LETM1: variants seen among roughly 807,000 people sequenced by gnomAD.
LETM1 encodes the protein mitochondrial proton/calcium exchanger protein.
In LETM1, 50 loss-of-function variants were observed where a neutral mutation model predicts 74.5. The ratio of observed to expected loss-of-function variants is 0.67; its 90% confidence interval spans 0.53 to 0.85. The LOEUF is 0.85. Among genes scored for constraint, LETM1 ranks in the 40% least tolerant of loss-of-function variants. LETM1 has a pLI of 0.00. For missense variants in LETM1, 824 were observed against 967.8 expected, an observed-to-expected ratio of 0.85 and a Z score of 1.97; for synonymous variants, 446 against 407.1, an observed-to-expected ratio of 1.10 and a Z score of -1.15.
chr4:1,828,168 C>T (rs1712078714), intron 6 of LETM1, among the ~76,000 whole-genome samples: 3 of 108,810 alleles, frequency 2.8e-5, no homozygotes, highest in Admixed American at 8.5e-5. Flanking sequence ...CCAGTAGGGG[C>T]GGCCGGGCAG....
chr4:1,823,019 T>TCA lies in LETM1; in HGVS notation c.1443_1444dup (p.Glu482ValfsTer21). On this transcript the variant is annotated frameshift_variant, in exon 9 of 14. Coordinates refer to ENST00000302787, the MANE Select transcript of LETM1 (RefSeq NM_012318.3). LOFTEE classifies it high-confidence loss of function. ...CTCCGAGCGCTTCTGCAGCTCCTTC[T>TCA]CACGGTGCTCCTGCTGGATGGCCGC... The TCA allele has an allele frequency of 6.2e-7, 1 of 1,607,200 alleles. No homozygotes were observed. Among genetic ancestry groups the TCA allele is most frequent in the Non-Finnish European group, 8.5e-7 (1 of 1,176,184 alleles).
intron 4 of LETM1, among the ~76,000 whole-genome samples, chr4:1,835,652 C>A (rs551115224): frequency 3.2e-4 from 48 of 152,286 alleles, no homozygotes; most frequent in African/African-American, 1.1e-3. Flanking sequence ...CAGGTCCCCA[C>A]AGGGCTCTGC....
In LETM1 at chr4:1,816,908, G is replaced by T. The variant is rs762018003; in HGVS notation, c.1750C>A (p.Gln584Lys). Reference sequence around the variant, plus strand: ...TTTGAAAGTTCCTTCTTGATCTCCTGCAAGTCCTAATAAAATTATTTTGGT... The same window carrying T: ...TTTGAAAGTTCCTTCTTGATCTCCTTCAAGTCCTAATAAAATTATTTTGGT... ...EDVQDYSEDLQEIKKELSKTG... is the reference protein window; with the variant it reads ...EDVQDYSEDLKEIKKELSKTG... Residue 584 changes from glutamine (Q) to lysine (K), a missense_variant, in exon 12 of 14, where the codon CAG becomes AAG. Physicochemically the swap from Gln to Lys is moderately conservative, Grantham distance 53. Transcript: ENST00000302787. 2 of 1,609,374 alleles carry T rather than the reference G, an allele frequency of 1.2e-6. No individual in the cohort carries two copies. The highest frequency in any genetic ancestry group is 1.7e-6 in the Non-Finnish European group (2 of 1,177,146).
intron 13 of LETM1, 44 bp downstream of exon 13, chr4:1,815,620 A>G: frequency 6.2e-7 from 1 of 1,608,936 alleles, no homozygotes; most frequent in Non-Finnish European, 8.5e-7. Flanking sequence ...ACCCCACTCC[A>G]GAGCAGGTGG....
chr4:1,854,770 G>A (rs1268067357), intron 1 of LETM1, among the ~76,000 whole-genome samples: 1 of 152,056 alleles, frequency 6.6e-6, no homozygotes, highest in African/African-American at 2.4e-5. Flanking sequence ...TCTAGCCTGA[G>A]CAACAGATTG....
rs369185544 is a variant in LETM1 at position 1,834,896 on chromosome 4, G to C, written c.825C>G (p.Asn275Lys). The C allele has an allele frequency of 5.0e-6, 8 of 1,614,234 alleles. No homozygotes were observed. Among genetic ancestry groups the C allele is most frequent in the Admixed American group, 1.7e-5 (1 of 60,028 alleles). The change falls in exon 5 of 14, where the codon AAC becomes AAG. Residue 275 changes from asparagine to lysine, a missense_variant. Transcript: ENST00000302787. The surrounding 1 kb of genome is among the most constrained non-coding windows in gnomAD (Gnocchi z 5.0). ...TGGTGGCGCTGCCCTTGGCTGCCTT[G>C]TTCTTCAAGGCCATCTCCTCGATGG... ...QDTIEEMALK[N>K]KAAKGSATKD...
intron 6 of LETM1, among the ~76,000 whole-genome samples, chr4:1,831,520 A>G (rs1476405689): frequency 6.6e-6 from 1 of 152,248 alleles, no homozygotes; most frequent in Non-Finnish European, 1.5e-5. Flanking sequence ...TGGGCCCCCA[A>G]GGCCACCCCA....
chr4:1,828,511 C>A lies in LETM1; in HGVS notation c.1081-2828G>T, dbSNP rs866500178. ...GGCTGGCCGGGCAGGGGGGCTGACC[C>A]CCCCCCCCACCTCCCTCCCGGACGG... is the stretch of plus-strand genomic sequence containing the variant. On this transcript the variant is annotated intron_variant, in intron 6 of 13. Transcript: ENST00000302787. Among the ~76,000 whole-genome samples, 5 of 114,002 alleles carry A rather than the reference C, an allele frequency of 4.4e-5. No homozygotes were observed. In the South Asian group the frequency reaches 8.1e-4, roughly 18 times the overall value. 74.8% of individuals were successfully genotyped at this position (114,002 alleles called of 152,430 possible).
intron 1 of LETM1, among the ~76,000 whole-genome samples, chr4:1,849,795 G>C (rs1245487232): frequency 6.6e-6 from 1 of 152,184 alleles, no homozygotes; most frequent in Non-Finnish European, 1.5e-5. Flanking sequence ...CGACCCTCCT[G>C]CATTGGTCTC....
intron 11 of LETM1, among the ~76,000 whole-genome samples, chr4:1,817,933 T>C (rs1711630038): frequency 6.6e-6 from 1 of 152,056 alleles, no homozygotes; most frequent in Non-Finnish European, 1.5e-5. Context: ...GCACACAACA[T>C]CATGCCTGGC....
chr4:1,832,956 G>T lies in LETM1; in HGVS notation c.877-9C>A. Reference sequence around the variant, plus strand: ...TCCCCTGTTTCCCGGATCTGCGGAAGTGGTCACAAGGGTCATCCCCGGGAC... The same window carrying T: ...TCCCCTGTTTCCCGGATCTGCGGAATTGGTCACAAGGGTCATCCCCGGGAC... On this transcript the variant is annotated splice_polypyrimidine_tract_variant and intron_variant, in intron 5 of 13. Transcript: ENST00000302787. The T allele has an allele frequency of 6.2e-7, 1 of 1,611,858 alleles. No individual in the cohort carries two copies.
chr4:1,825,549 C>G lies in LETM1; in HGVS notation c.1200+15G>C. Reference sequence around the variant, plus strand: ...GAGCCCGTGCCGGCCTGGCACCAGGCCAATATTCACGCACCTGCTTCAGCT... The same window carrying G: ...GAGCCCGTGCCGGCCTGGCACCAGGGCAATATTCACGCACCTGCTTCAGCT... On this transcript the variant is annotated intron_variant, in intron 7 of 13. Coordinates refer to ENST00000302787, the MANE Select transcript of LETM1 (RefSeq NM_012318.3). 2 of 1,603,508 alleles carry G rather than the reference C, an allele frequency of 1.2e-6. No homozygotes were observed. Among genetic ancestry groups the G allele is most frequent in the Non-Finnish European group, 1.7e-6 (2 of 1,172,058 alleles).
At chr4:1,847,052 C>T (rs1268854228) in intron 2 of LETM1, among the ~76,000 whole-genome samples, 5 of 150,434 alleles carry the variant, frequency 3.3e-5, no homozygotes, top group Non-Finnish European at 5.9e-5. Flanking sequence ...GAAAACAGGC[C>T]GGGTGCAGTG....
chr4:1,825,584 G>A lies in LETM1; in HGVS notation c.1180C>T (p.Leu394=), dbSNP rs781735390. 3.1e-6 allele frequency: 5 copies of A among 1,613,346 alleles called. No homozygotes were observed. The highest frequency in any genetic ancestry group is 1.1e-5 in the South Asian group (1 of 91,070). The change falls in exon 7 of 14, where the codon CTG becomes TTG. Residue 394 remains leucine, a synonymous_variant. Transcript: ENST00000302787. The part of the protein sequence containing the change: ...MRALGVTEDR[L]RGQLKQWLDL... ...CGCACCTGCTTCAGCTGACCCCTCA[G>A]GCGGTCTTCCGTGACGCCCAGGGCC...
intron 3 of LETM1, among the ~76,000 whole-genome samples, chr4:1,839,044 AT>A (rs1712584963): frequency 6.6e-6 from 1 of 152,248 alleles, no homozygotes; most frequent in South Asian, 2.1e-4. Context: ...TGGTGGCTGC[AT>A]TAAACAAGAT....
At chr4:1,840,794 T>C (rs1422664085) in intron 3 of LETM1, among the ~76,000 whole-genome samples, 8 of 151,988 alleles carry the variant, frequency 5.3e-5, no homozygotes, top group South Asian at 2.1e-4. Flanking sequence ...TTGAGACTGG[T>C]AGGGGGCACC....
chr4:1,828,835 G>A (rs1240741319), intron 6 of LETM1, among the ~76,000 whole-genome samples: 45 of 110,154 alleles, frequency 4.1e-4, no homozygotes, highest in Non-Finnish European at 4.9e-4. Context: ...CCTCCCTCCC[G>A]GACGGGGCGG....
chr4:1,814,603 G>A, intron 13 of LETM1, 30 bp from the exon 14 acceptor site: 1 of 1,597,812 alleles, frequency 6.3e-7, no homozygotes, highest in Non-Finnish European at 8.6e-7. Context: ...AGAGGCTCAG[G>A]TGGCTGCGCC....
At position 1,841,739 on chromosome 4, in the gene LETM1, C is replaced by T. The variant is rs747462740; in HGVS notation, c.202G>A (p.Asp68Asn). 21 of 1,613,964 alleles carry T rather than the reference C, an allele frequency of 1.3e-5. No homozygotes were observed. Among genetic ancestry groups the T allele is most frequent in the Non-Finnish European group, 1.4e-5 (17 of 1,180,044 alleles). ...CTCAGAGCCCAACAGCCGAGGTGAT[C>T]GCCTCTGGAGGATGTGTACACAGGG... ...IHPVYTSSRG[D>N]HLGCWALRPE... Residue 68 changes from aspartate to asparagine, a missense_variant, in exon 3 of 14, where the codon GAT becomes AAT. By Grantham distance (23) the Asp-to-Asn change is conservative. Coordinates refer to ENST00000302787, the MANE Select transcript of LETM1 (RefSeq NM_012318.3).
Sources: allele counts gnomAD v4.1 joint callset (sites outside exome capture counted in the v4.1 genomes callset), GRCh38; gene constraint gnomAD v4.1.1; non-coding constraint Gnocchi (gnomAD v3.1); transcripts MANE v1.5; gene names NCBI Gene and HGNC (gene_info 2026-07-23, HGNC 2026-07-21).